The following PINX1 variants were observed in gnomAD, a reference collection of about 807,000 sequenced individuals.
The protein encoded by PINX1 is PIN2/TERF1-interacting telomerase inhibitor 1.
In PINX1, 34 loss-of-function variants were observed where a neutral mutation model predicts 25.4. The observed-to-expected ratio is 1.34, with a 90% CI of 1.02 to 1.78. The LOEUF (loss-of-function observed/expected upper bound fraction) is 1.78. Among genes scored for constraint, PINX1 ranks in the 40% most tolerant of loss-of-function variants. The pLI is 0.00. For synonymous variants in PINX1, 197 were observed against 147.7 expected (o/e 1.33, Z -2.42); for missense variants, 592 against 404.9 (o/e 1.46, Z -3.97).
Position 10,834,664 on chromosome 8 carries a change from A to G in PINX1, c.129+2T>C. 6.2e-7 allele frequency: 1 copy of G among 1,612,548 alleles called. No homozygotes were observed. The highest frequency in any genetic ancestry group is 8.5e-7 in the Non-Finnish European group (1 of 1,179,336). On this transcript the variant is annotated splice_donor_variant, in intron 2 of 6. Transcript: ENST00000314787. LOFTEE classifies it high-confidence loss of function. ...ATTTTTTTCCGCTTTTCTCCAAAATACCTTTCCTTTAGACCACCCCATCTT... is the reference window on the plus strand; with the variant it reads ...ATTTTTTTCCGCTTTTCTCCAAAATGCCTTTCCTTTAGACCACCCCATCTT...
chr8:10,798,533 T>G (rs575098641), intron 6 of PINX1, among the ~76,000 whole-genome samples: 2 of 152,356 alleles, frequency 1.3e-5, no homozygotes, highest in South Asian at 4.1e-4. Context: ...AACTTCTTTT[T>G]ATCAGTCAAA....
At chr8:10,815,260 C>T (rs541002453) in intron 6 of PINX1, among the ~76,000 whole-genome samples, 5 of 152,194 alleles carry the variant, frequency 3.3e-5, no homozygotes, top group East Asian at 1.9e-4. Flanking sequence ...CTTTATTAGA[C>T]GCAAAAAGGT....
rs545558732 is a variant in PINX1, at chr8:10,839,851, C to T, written c.-95G>A. 8 of 1,243,560 alleles carry T rather than the reference C, an allele frequency of 6.4e-6. No homozygotes were observed. Among genetic ancestry groups the T allele is most frequent in the African/African-American group, 4.6e-5 (3 of 65,472 alleles). 77.0% of individuals were successfully genotyped at this position (1,243,560 alleles called of 1,614,324 possible). A position where few individuals can be genotyped will look rare whatever the true frequency, so the allele number is the denominator to read the frequency against. On this transcript the variant is annotated 5_prime_UTR_variant, in exon 1 of 7. Transcript: ENST00000314787. Reference sequence around the variant, plus strand: ...CAGGAGAATCAGGACGTGCGTAACTCCCTCGCCGGCGGACTGCAGCGGACG... The same window carrying T: ...CAGGAGAATCAGGACGTGCGTAACTTCCTCGCCGGCGGACTGCAGCGGACG...
intron 6 of PINX1, among the ~76,000 whole-genome samples, chr8:10,790,186 C>T (rs546464237): frequency 2.0e-5 from 3 of 152,266 alleles, no homozygotes; most frequent in Admixed American, 6.5e-5. Context: ...TACACCCCAC[C>T]GGCTTGTGTC....
At chr8:10,819,941 C>T (rs1397275971) in intron 6 of PINX1, among the ~76,000 whole-genome samples, 1 of 152,124 alleles carries the variant, frequency 6.6e-6, no homozygotes, top group African/African-American at 2.4e-5. Flanking sequence ...TAATCTAGTC[C>T]TCACACCAAA....
intron 6 of PINX1, among the ~76,000 whole-genome samples, chr8:10,779,112 G>A (rs1415612157): frequency 1.3e-5 from 2 of 152,192 alleles, no homozygotes; most frequent in Non-Finnish European, 2.9e-5. Flanking sequence ...TGCCAAGTAT[G>A]GATGTATTTT....
chr8:10,773,694 A>T (rs529000503), intron 6 of PINX1, among the ~76,000 whole-genome samples: 1 of 152,264 alleles, frequency 6.6e-6, no homozygotes, highest in South Asian at 2.1e-4. Context: ...AGCTATTCCG[A>T]TTGCCACTTA....
At chr8:10,827,017 G>C (rs796122671) in intron 4 of PINX1, among the ~76,000 whole-genome samples, 1 of 152,150 alleles carries the variant, frequency 6.6e-6, no homozygotes, top group East Asian at 1.9e-4. Flanking sequence ...ATGAAAACTG[G>C]CTAAGGTTTG....
At chr8:10,837,616 G>A (rs192844990) in intron 1 of PINX1, among the ~76,000 whole-genome samples, 1 of 152,306 alleles carries the variant, frequency 6.6e-6, no homozygotes, top group East Asian at 1.9e-4. Flanking sequence ...TATTTGGGAA[G>A]TATTTAACCA....
chr8:10,770,845 C>T (rs1563200640), intron 6 of PINX1, among the ~76,000 whole-genome samples: 1 of 152,218 alleles, frequency 6.6e-6, no homozygotes, highest in African/African-American at 2.4e-5. Flanking sequence ...TACATCACTA[C>T]TGATCTTAAG....
intron 4 of PINX1, among the ~76,000 whole-genome samples, chr8:10,831,137 T>C (rs559149145): frequency 2.6e-5 from 4 of 152,320 alleles, no homozygotes; most frequent in Non-Finnish European, 2.9e-5. Flanking sequence ...AGTTTTTCAT[T>C]TGAGGCAACA....
intron 1 of PINX1, among the ~76,000 whole-genome samples, chr8:10,836,605 C>G (rs956665527): frequency 2.0e-4 from 29 of 144,838 alleles, no homozygotes; most frequent in African/African-American, 6.9e-4. Context: ...ATTAGCTATT[C>G]AAGGTCAATT....
At chr8:10,799,378 C>T (rs117786147) in intron 6 of PINX1, among the ~76,000 whole-genome samples, 2,735 of 152,216 alleles carry the variant, frequency 0.018, 26 homozygotes, top group Non-Finnish European at 0.027. Context: ...CTTGAGGCCC[C>T]GAGGCCTGAC....
At chr8:10,787,851 T>G (rs1323162509) in intron 6 of PINX1, 1 of 456,000 alleles carries the variant, frequency 2.2e-6, no homozygotes. Flanking sequence ...AGAGAAGGAA[T>G]GAGAACCTAT....
At chr8:10,767,378 G>A (rs1216403877) in intron 6 of PINX1, among the ~76,000 whole-genome samples, 1 of 151,944 alleles carries the variant, frequency 6.6e-6, no homozygotes, top group East Asian at 1.9e-4. Flanking sequence ...AGTGGCAAGT[G>A]CCTCAGACAG....
chr8:10,820,209 C>G lies in PINX1; in HGVS notation c.455G>C (p.Ser152Thr), dbSNP rs1220373817. The change falls in exon 6 of 7, where the codon AGT becomes ACT. Residue 152 changes from serine to threonine, a missense_variant. Ser to Thr is a moderately conservative substitution (Grantham distance 58). Transcript: ENST00000314787. ...GCTTTATACCTCGGGAGTCTTCTTA[C>G]TCTGTCTTTTCCCAAAAATGCAGTC... ...DLDCIFGKRQ[S>T]KKTPEGDASP... 6.2e-7 allele frequency: 1 copy of G among 1,610,578 alleles called. No homozygotes were observed. Among genetic ancestry groups the G allele is most frequent in the Non-Finnish European group, 8.5e-7 (1 of 1,176,950 alleles).
chr8:10,804,404 C>T (rs548079547), intron 6 of PINX1, among the ~76,000 whole-genome samples: 93 of 152,174 alleles, frequency 6.1e-4, no homozygotes, highest in African/African-American at 2.2e-3. Context: ...GAGAAGAGCC[C>T]CGGGAGGTCC....
intron 6 of PINX1, among the ~76,000 whole-genome samples, chr8:10,813,659 T>C (rs1413352432): frequency 1.3e-5 from 2 of 152,188 alleles, no homozygotes; most frequent in Admixed American, 6.5e-5. Flanking sequence ...TGATTTGGTA[T>C]CCTGGGAGAG....
chr8:10,787,625 T>C, intron 6 of PINX1: 1 of 325,140 alleles, frequency 3.1e-6, no homozygotes, highest in Non-Finnish European at 6.0e-6. Context: ...ACCATTTACC[T>C]TTTGGTAAAA....
Sources: gnomAD v4.1 joint callset for allele counts (sites outside exome capture counted in the v4.1 genomes callset) on GRCh38, gnomAD v4.1.1 for gene constraint, MANE v1.5 for transcripts, NCBI Gene and HGNC (gene_info 2026-07-23, HGNC 2026-07-21) for gene names.